Variants in TMED3 observed in about 807,000 individuals in gnomAD.
The protein encoded by TMED3 is transmembrane emp24 domain-containing protein 3.
A neutral mutation model predicts 15.0 loss-of-function variants in TMED3; 9 were observed. The ratio of observed to expected loss-of-function variants is 0.60; its 90% CI spans 0.36 to 1.04. The LOEUF (loss-of-function observed/expected upper bound fraction) is 1.04. Among genes scored for constraint, TMED3 ranks in the 50% least tolerant of loss-of-function variants. TMED3 has a pLI of 0.01. For missense variants in TMED3, 267 were observed against 278.9 expected (o/e 0.96, Z 0.30); for synonymous variants, 117 against 121.4 (o/e 0.96, Z 0.24).
At chr15:79,377,640 C>T (rs1036878870) in intron 2 of TMED3, among the ~76,000 whole-genome samples, 1 of 148,950 alleles carries the variant, frequency 6.7e-6, no homozygotes, top group Non-Finnish European at 1.5e-5. Flanking sequence ...ATGAACAAAC[C>T]GTTCTTTTTT....
At chr15:79,356,539 C>G (rs1419389776) in intron 2 of TMED3, among the ~76,000 whole-genome samples, 4 of 152,154 alleles carry the variant, frequency 2.6e-5, no homozygotes. Flanking sequence ...CATGAAATTT[C>G]CAGAAGAAGA....
chr15:79,396,443 G>A (rs12148218), intron 2 of TMED3, among the ~76,000 whole-genome samples: 46,348 of 152,068 alleles, frequency 0.3, 8,583 homozygotes, highest in Middle Eastern at 0.5. Flanking sequence ...TGGCAAGGAT[G>A]GCTCAGTGGC....
intron 2 of TMED3, among the ~76,000 whole-genome samples, chr15:79,331,542 C>CAAAAAAAAAAAAAAAAAAGAAA (rs2058808634): frequency 1.1e-5 from 1 of 89,288 alleles, no homozygotes; most frequent in African/African-American, 4.9e-5. Flanking sequence ...GCAAAAGAAG[C>CAAAAAAAAAAAAAAAAAAGAAA]AAAAAAAAAA....
At chr15:79,323,426 A>G (rs1025431560), downstream of TMED3, among the ~76,000 whole-genome samples, 2 of 152,196 alleles carry the variant, frequency 1.3e-5, no homozygotes, top group Admixed American at 6.5e-5. Context: ...TGAAGGATAA[A>G]TGTTGCTTAT....
At chr15:79,336,821 C>T (rs1018031484) in intron 2 of TMED3, among the ~76,000 whole-genome samples, 2 of 152,282 alleles carry the variant, frequency 1.3e-5, no homozygotes, top group Non-Finnish European at 2.9e-5. Flanking sequence ...TAGAGTTGAT[C>T]GATTGACTTA....
At chr15:79,352,719 C>A (rs112382816) in intron 2 of TMED3, among the ~76,000 whole-genome samples, 20,845 of 140,218 alleles carry the variant, frequency 0.15, 1,542 homozygotes, top group Middle Eastern at 0.2. Flanking sequence ...TTTCACCCAA[C>A]CTTTTATGGT....
At chr15:79,332,963 G>A (rs1190270338) in intron 2 of TMED3, among the ~76,000 whole-genome samples, 2 of 152,196 alleles carry the variant, frequency 1.3e-5, no homozygotes, top group East Asian at 3.8e-4. Context: ...GTCTGTGCAG[G>A]AATGAATGGC....
At chr15:79,380,625 G>A (rs1893516709) in intron 2 of TMED3, among the ~76,000 whole-genome samples, 1 of 149,568 alleles carries the variant, frequency 6.7e-6, no homozygotes. Context: ...TATATTTTCT[G>A]GGGCTCATTT....
At chr15:79,354,050 A>G (rs1015995507) in intron 2 of TMED3, among the ~76,000 whole-genome samples, 35 of 152,338 alleles carry the variant, frequency 2.3e-4, no homozygotes, top group African/African-American at 8.4e-4. Context: ...AAGCCTAAAG[A>G]AAAGAACATA....
intron 2 of TMED3, among the ~76,000 whole-genome samples, chr15:79,361,700 T>C (rs114755457): frequency 0.013 from 1,539 of 122,038 alleles, 20 homozygotes; most frequent in African/African-American, 0.044. Context: ...CAATAACTTA[T>C]GGAAATAAAA....
chr15:79,353,206 T>A (rs1595897224), intron 2 of TMED3, among the ~76,000 whole-genome samples: 1 of 90,066 alleles, frequency 1.1e-5, no homozygotes, highest in Admixed American at 1.8e-4. Context: ...ATATAAAATA[T>A]ATATTATATA....
chr15:79,359,315 C>T (rs985544905), intron 2 of TMED3, among the ~76,000 whole-genome samples: 3 of 150,698 alleles, frequency 2.0e-5, no homozygotes, highest in African/African-American at 7.3e-5. Context: ...TCACTGCAAC[C>T]TCCGCCTCCC....
chr15:79,341,195 C>CAAAAAA (rs58885572), intron 2 of TMED3, among the ~76,000 whole-genome samples: 6 of 58,330 alleles, frequency 1.0e-4, no homozygotes, highest in Admixed American at 3.0e-4. Context: ...GACCCTGTCT[C>CAAAAAA]AAAAAAAAAA....
At chr15:79,398,083 T>C (rs1893785183) in intron 2 of TMED3, among the ~76,000 whole-genome samples, 1 of 152,194 alleles carries the variant, frequency 6.6e-6, no homozygotes, top group Non-Finnish European at 1.5e-5. Context: ...GTATCCGTCA[T>C]TATAGTATCA....
chr15:79,318,816 A>T (rs1234041007), intron 2 of TMED3, among the ~76,000 whole-genome samples: 1 of 152,206 alleles, frequency 6.6e-6, no homozygotes, highest in Non-Finnish European at 1.5e-5. Context: ...CCCAGTGCAG[A>T]GGCCTACACC....
chr15:79,311,112 C>T lies in TMED3; in HGVS notation c.-138C>T, dbSNP rs966358321. The T allele has an allele frequency of 1.4e-5, 13 of 961,506 alleles. No homozygotes were observed. The African/African-American group carries it at 2.3e-4, about 17-fold the overall frequency. The allele number at this position is 961,506 out of a possible 1,614,324, so 59.6% of individuals were successfully genotyped here. A position where few individuals can be genotyped will look rare whatever the true frequency, so the allele number is the denominator to read the frequency against. Reference sequence around the variant, plus strand: ...CGCGGCTGCGCACTGAGCCGCCGGCCCTCCCGGAAGCGCAGAGCTCCGCTG... The same window carrying T: ...CGCGGCTGCGCACTGAGCCGCCGGCTCTCCCGGAAGCGCAGAGCTCCGCTG... On this transcript the variant is annotated 5_prime_UTR_variant, in exon 1 of 3. Coordinates refer to ENST00000299705, the MANE Select transcript of TMED3 (RefSeq NM_007364.4).
At chr15:79,354,717 T>C (rs929417065) in intron 2 of TMED3, among the ~76,000 whole-genome samples, 2 of 151,522 alleles carry the variant, frequency 1.3e-5, no homozygotes, top group African/African-American at 2.4e-5. Context: ...ACCCCTCCCA[T>C]CACATGGAGC....
At chr15:79,409,293 G>T (rs1036014065) in intron 2 of TMED3, among the ~76,000 whole-genome samples, 1 of 152,212 alleles carries the variant, frequency 6.6e-6, no homozygotes, top group Non-Finnish European at 1.5e-5. Context: ...CAGATATTCA[G>T]TGCCAATCTT....
rs573820416 is a variant in TMED3, at chr15:79,355,284, T to C, written c.417+41279T>C. 3.9e-4 allele frequency among the ~76,000 whole-genome samples: 60 copies of C among 152,278 alleles called. 1 individual carries two copies. The highest frequency in any genetic ancestry group is 1.3e-3 in the African/African-American group (56 of 41,558). ...AAAACAACATAGCTCACTTGTATGA[T>C]CACAGCTGCCAGAAGGGGCCCTATA... On this transcript the variant is annotated intron_variant, in intron 2 of 2. Transcript: ENST00000424155.
Sources: gnomAD v4.1 joint callset for allele counts (sites outside exome capture counted in the v4.1 genomes callset) on GRCh38, gnomAD v4.1.1 for gene constraint, MANE v1.5 for transcripts, NCBI Gene and HGNC (gene_info 2026-07-23, HGNC 2026-07-21) for gene names.